TRPC4AP: variants seen among roughly 807,000 people sequenced by gnomAD.
The protein encoded by TRPC4AP is short transient receptor potential channel 4-associated protein.
Under a neutral mutation model 99.0 loss-of-function variants are expected in TRPC4AP, and 45 were observed. That is an observed-to-expected ratio of 0.45 (90% CI 0.36 to 0.58). TRPC4AP has a LOEUF of 0.58. Among genes scored for constraint, TRPC4AP ranks in the 20% least tolerant of loss-of-function variants. The probability of loss-of-function intolerance (pLI) is 0.00; values close to 1 mark genes in which losing one functional copy is unlikely to be tolerated. For missense variants in TRPC4AP, 879 were observed against 985.3 expected (o/e 0.89, Z 1.44); for synonymous variants, 408 against 385.8 (o/e 1.06, Z -0.67).
At chr20:35,003,739 T>G in intron 17 of TRPC4AP, 123 bp from the exon 18 acceptor site, 19 of 1,030,106 alleles carry the variant, frequency 1.8e-5, no homozygotes, top group Admixed American at 2.4e-5. Context: ...CACAGAGCTC[T>G]CCCTGCACAG....
At position 35,042,643 on chromosome 20, in the gene TRPC4AP, A is replaced by C. The variant is rs563171868; in HGVS notation, c.865+1862T>G. ...TATTAACAATATTTCCAGCCTGTTA[A>C]CATTGAAAAACTAGCTTTTAAGACA... On this transcript the variant is annotated intron_variant, in intron 7 of 18. Transcript: ENST00000252015. 3.7e-4 allele frequency among the ~76,000 whole-genome samples: 57 copies of C among 152,346 alleles called. 2 individuals are homozygous for C. Among genetic ancestry groups the C allele is most frequent in the Non-Finnish European group, 6.2e-4 (42 of 68,034 alleles).
At chr20:35,024,955 G>A (rs1165276359) in intron 8 of TRPC4AP, among the ~76,000 whole-genome samples, 1 of 149,206 alleles carries the variant, frequency 6.7e-6, no homozygotes, top group Non-Finnish European at 1.5e-5. Flanking sequence ...AAATTTTTGT[G>A]TAACATATAT....
Position 35,002,996 on chromosome 20 carries a change from C to T in TRPC4AP, c.*150G>A, listed in dbSNP as rs2147255826. ...CCCTCAGACCCAGGGGGACCAAGGG[C>T]TTCTAGGACTTCCCTCCCACCAAGC... is the stretch of plus-strand genomic sequence containing the variant. On this transcript the variant is annotated 3_prime_UTR_variant, in exon 19 of 19. Coordinates refer to ENST00000252015, the MANE Select transcript of TRPC4AP (RefSeq NM_015638.3). The T allele has an allele frequency of 8.9e-7, 1 of 1,118,262 alleles. No homozygotes were observed. The highest frequency in any genetic ancestry group is 2.4e-5 in the East Asian group (1 of 41,028). The allele number at this position is 1,118,262 out of a possible 1,614,324, so 69.3% of individuals were successfully genotyped here. A position where few individuals can be genotyped will look rare whatever the true frequency, so the allele number is the denominator to read the frequency against.
At chr20:35,059,191 G>A (rs2083915748) in intron 3 of TRPC4AP, among the ~76,000 whole-genome samples, 1 of 152,116 alleles carries the variant, frequency 6.6e-6, no homozygotes, top group Non-Finnish European at 1.5e-5. Flanking sequence ...CAAGAAAAAA[G>A]GAGAGAGGAT....
At chr20:35,060,700 A>G (rs2083982961) in intron 3 of TRPC4AP, among the ~76,000 whole-genome samples, 1 of 152,038 alleles carries the variant, frequency 6.6e-6, no homozygotes, top group Admixed American at 6.6e-5. Context: ...AATCAATATA[A>G]TACACCATAT....
chr20:35,003,710 C>A, intron 17 of TRPC4AP, 94 bp from the exon 18 acceptor site: 1 of 1,377,058 alleles, frequency 7.3e-7, no homozygotes, highest in South Asian at 1.3e-5. Flanking sequence ...AGGAGAGTGG[C>A]CCCAGGCCTC....
Position 35,081,764 on chromosome 20 carries a change from A to G in TRPC4AP, c.169-3590T>C, listed in dbSNP as rs548562930. Among the ~76,000 whole-genome samples the G allele has an allele frequency of 2.6e-5, 4 of 152,242 alleles. No homozygotes were observed. In the East Asian group the frequency reaches 7.7e-4, roughly 29 times the overall value. On this transcript the variant is annotated intron_variant, in intron 1 of 18. Coordinates refer to ENST00000252015, the MANE Select transcript of TRPC4AP (RefSeq NM_015638.3). ...CACTCTGGGAGACCGAGACAGGTAG[A>G]TCACTTAGGTCAGGAGTTCAAGACC...
chr20:35,051,063 C>T (rs1253576985), intron 5 of TRPC4AP, among the ~76,000 whole-genome samples: 1 of 151,914 alleles, frequency 6.6e-6, no homozygotes, highest in Non-Finnish European at 1.5e-5. Context: ...CACACACACA[C>T]ACACACATAT....
chr20:35,044,471 T>TA (rs1287340259), intron 7 of TRPC4AP, 34 bp downstream of exon 7: 1 of 1,592,060 alleles, frequency 6.3e-7, no homozygotes, highest in Non-Finnish European at 8.6e-7. Flanking sequence ...CTCAGAGCTA[T>TA]AATCTCAAAA....
intron 17 of TRPC4AP, among the ~76,000 whole-genome samples, chr20:35,003,872 C>T (rs890614056): frequency 6.6e-6 from 1 of 152,224 alleles, no homozygotes; most frequent in African/African-American, 2.4e-5. Flanking sequence ...CCTGTCCAGA[C>T]CTGGGCTCAA....
At chr20:35,027,400 G>T (rs968339669) in intron 8 of TRPC4AP, among the ~76,000 whole-genome samples, 4 of 152,150 alleles carry the variant, frequency 2.6e-5, no homozygotes, top group African/African-American at 9.7e-5. Flanking sequence ...ATTTGGTCAT[G>T]GTATACAATC....
chr20:35,065,027 T>C (rs1277686670), intron 3 of TRPC4AP, among the ~76,000 whole-genome samples: 1 of 152,224 alleles, frequency 6.6e-6, no homozygotes, highest in Non-Finnish European at 1.5e-5. Flanking sequence ...AGCTCTGAAG[T>C]ATACTACACC....
intron 7 of TRPC4AP, among the ~76,000 whole-genome samples, chr20:35,040,165 C>T (rs189825883): frequency 5.3e-5 from 8 of 151,792 alleles, no homozygotes; most frequent in East Asian, 3.9e-4. Flanking sequence ...TTAGGGAATG[C>T]GGTGGTGTGA....
chr20:35,060,777 GA>G (rs202059204), intron 3 of TRPC4AP, among the ~76,000 whole-genome samples: 6 of 148,712 alleles, frequency 4.0e-5, no homozygotes, highest in Admixed American at 2.7e-4. Context: ...AAAGCGTTTG[GA>G]AAAAAAAACC....
intron 2 of TRPC4AP, among the ~76,000 whole-genome samples, chr20:35,074,525 G>A (rs2084419001): frequency 6.6e-6 from 1 of 152,102 alleles, no homozygotes; most frequent in Non-Finnish European, 1.5e-5. Context: ...ATTTCGTTAT[G>A]TACCCAGCAG....
At chr20:35,040,640 G>C (rs1223263841) in intron 7 of TRPC4AP, among the ~76,000 whole-genome samples, 2 of 152,072 alleles carry the variant, frequency 1.3e-5, no homozygotes, top group Admixed American at 1.3e-4. Flanking sequence ...AGTTTCACTC[G>C]TTGCCCAGGC....
intron 1 of TRPC4AP, among the ~76,000 whole-genome samples, chr20:35,080,013 TAA>T (rs71196785): frequency 8.5e-5 from 8 of 93,840 alleles, no homozygotes; most frequent in Admixed American, 1.3e-4. Flanking sequence ...CAGAGCAAGA[TAA>T]AAAAAAAAAA....
intron 8 of TRPC4AP, among the ~76,000 whole-genome samples, chr20:35,025,913 T>C (rs2083018333): frequency 6.6e-6 from 1 of 152,206 alleles, no homozygotes; most frequent in Admixed American, 6.5e-5. Flanking sequence ...CAGGTTTAGC[T>C]CTTACATTTA....
At chr20:35,071,284 T>G (rs1004281085) in intron 2 of TRPC4AP, among the ~76,000 whole-genome samples, 7 of 152,292 alleles carry the variant, frequency 4.6e-5, no homozygotes, top group Admixed American at 2.0e-4. Context: ...ATTTTTGCTG[T>G]TTTTTATTTT....
Sources: allele counts gnomAD v4.1 joint callset (sites outside exome capture counted in the v4.1 genomes callset), GRCh38; gene constraint gnomAD v4.1.1; transcripts MANE v1.5; gene names NCBI Gene and HGNC (gene_info 2026-07-23, HGNC 2026-07-21).